The following LRRIQ3 variants were observed in gnomAD, a reference collection of about 807,000 sequenced individuals.
LRRIQ3 encodes the protein leucine rich repeats and IQ motif containing 3.
Under a neutral mutation model 59.3 loss-of-function variants are expected in LRRIQ3, and 75 were observed. The ratio of observed to expected loss-of-function variants is 1.26; its 90% CI spans 1.05 to 1.53. The LOEUF is 1.53. Among genes scored for constraint, LRRIQ3 ranks in the 40% most tolerant of loss-of-function variants. The pLI, the probability that LRRIQ3 is intolerant of heterozygous loss-of-function variation, is 0.00. For missense variants in LRRIQ3, 831 were observed against 710.0 expected (o/e 1.17, Z -1.94); for synonymous variants, 250 against 231.3 (o/e 1.08, Z -0.73).
intron 4 of LRRIQ3, chr1:74,138,627 C>A (rs532052320): frequency 3.8e-6 from 1 of 264,806 alleles, no homozygotes; most frequent in Non-Finnish European, 5.9e-6. Context: ...AAGCAGCCAG[C>A]GAAGACTGTA....
intron 6 of LRRIQ3, among the ~76,000 whole-genome samples, chr1:74,056,069 C>T (rs781344936): frequency 4.6e-5 from 7 of 150,948 alleles, no homozygotes; most frequent in East Asian, 2.0e-4. Context: ...TGCTCCAAGT[C>T]GGGAGGTGGA....
intron 7 of LRRIQ3, among the ~76,000 whole-genome samples, chr1:74,030,474 G>A (rs572112013): frequency 1.3e-5 from 2 of 152,198 alleles, no homozygotes; most frequent in South Asian, 2.1e-4. Flanking sequence ...ACAACTATCT[G>A]ATCCTTGACA....
chr1:74,166,016 G>A (rs1648962560), intron 3 of LRRIQ3, among the ~76,000 whole-genome samples: 1 of 151,364 alleles, frequency 6.6e-6, no homozygotes, highest in East Asian at 1.9e-4. Context: ...ATTGATCTGT[G>A]GTTTTCCTTT....
At chr1:74,103,436 G>A (rs981081242) in intron 5 of LRRIQ3, among the ~76,000 whole-genome samples, 1 of 151,954 alleles carries the variant, frequency 6.6e-6, no homozygotes, top group Non-Finnish European at 1.5e-5. Flanking sequence ...TAGAGTAGAT[G>A]TAAGAATGTC....
At chr1:74,132,044 T>G (rs1336215879) in intron 4 of LRRIQ3, among the ~76,000 whole-genome samples, 2 of 152,118 alleles carry the variant, frequency 1.3e-5, no homozygotes, top group Admixed American at 1.3e-4. Flanking sequence ...GGATACAAAA[T>G]CAATGTGCAA....
chr1:74,146,936 C>T (rs180982765), intron 4 of LRRIQ3, among the ~76,000 whole-genome samples: 198 of 152,224 alleles, frequency 1.3e-3, no homozygotes, highest in African/African-American at 4.6e-3. Flanking sequence ...TATAAGAGTT[C>T]CCTATGATTG....
At chr1:74,144,956 ATATT>A (rs1376944012) in intron 4 of LRRIQ3, among the ~76,000 whole-genome samples, 1 of 152,084 alleles carries the variant, frequency 6.6e-6, no homozygotes, top group African/African-American at 2.4e-5. Flanking sequence ...TAAATTTAAA[ATATT>A]TTTACCTACA....
At chr1:74,030,130 C>A (rs1352762838) in intron 7 of LRRIQ3, among the ~76,000 whole-genome samples, 1 of 152,054 alleles carries the variant, frequency 6.6e-6, no homozygotes, top group Non-Finnish European at 1.5e-5. Flanking sequence ...AGGACACAAA[C>A]AAATGGTAGA....
At chr1:74,179,734 A>G (rs1425213551) in intron 3 of LRRIQ3, among the ~76,000 whole-genome samples, 3 of 152,010 alleles carry the variant, frequency 2.0e-5, no homozygotes, top group African/African-American at 7.2e-5. Flanking sequence ...AGGTGGCCTC[A>G]AAAATTGTTA....
chr1:74,056,246 C>A (rs139018458), intron 6 of LRRIQ3, among the ~76,000 whole-genome samples: 15 of 152,014 alleles, frequency 9.9e-5, no homozygotes, highest in Non-Finnish European at 1.6e-4. Flanking sequence ...CCATATATGA[C>A]AAAACCATAG....
At chr1:74,168,180 G>C (rs1040863768) in intron 3 of LRRIQ3, among the ~76,000 whole-genome samples, 2 of 151,990 alleles carry the variant, frequency 1.3e-5, no homozygotes, top group South Asian at 2.1e-4. Flanking sequence ...AGTTGATAGA[G>C]AGAAGTATTG....
chr1:74,092,495 C>T (rs1646405373), intron 5 of LRRIQ3, among the ~76,000 whole-genome samples: 1 of 151,842 alleles, frequency 6.6e-6, no homozygotes, highest in African/African-American at 2.4e-5. Context: ...GAGCTGGTGA[C>T]CCTTGTTATT....
chr1:74,063,121 AAACAAC>A (rs1012702321), intron 6 of LRRIQ3, among the ~76,000 whole-genome samples: 6 of 151,132 alleles, frequency 4.0e-5, no homozygotes, highest in African/African-American at 1.2e-4. Flanking sequence ...CCCCAAAACC[AAACAAC>A]AACAACAACA....
intron 1 of LRRIQ3, among the ~76,000 whole-genome samples, chr1:74,187,104 T>C (rs540964821): frequency 6.6e-6 from 1 of 152,086 alleles, no homozygotes; most frequent in African/African-American, 2.4e-5. Context: ...ATAACCACTA[T>C]GGAAAACAGT....
At chr1:74,163,806 C>T (rs1343354980) in intron 3 of LRRIQ3, among the ~76,000 whole-genome samples, 1 of 151,400 alleles carries the variant, frequency 6.6e-6, no homozygotes, top group Non-Finnish European at 1.5e-5. Context: ...TATGATTATT[C>T]CATGTTTAGT....
intron 3 of LRRIQ3, among the ~76,000 whole-genome samples, chr1:74,164,834 G>A (rs900455641): frequency 1.3e-4 from 19 of 151,462 alleles, no homozygotes; most frequent in African/African-American, 4.6e-4. Context: ...TTTGTATAAA[G>A]TATGAAACTT....
rs985373459 is a variant in LRRIQ3 at position 74,183,559 on chromosome 1, A to G, written c.126T>C (p.Ser42=). The G allele has an allele frequency of 6.2e-7, 1 of 1,612,308 alleles. No homozygotes were observed. Among genetic ancestry groups the G allele is most frequent in the Non-Finnish European group, 8.5e-7 (1 of 1,178,938 alleles). ...AGATGCAAGACTGCAAATTTTCCATAGACTTTAAATGAAGGCCATTGAACT... is the reference window on the plus strand; with the variant it reads ...AGATGCAAGACTGCAAATTTTCCATGGACTTTAAATGAAGGCCATTGAACT... ...FVKFNGLHLK[S]MENLQSCISL... is the part of the protein sequence containing the mutation. Residue 42 remains serine, a synonymous_variant, in exon 2 of 8, where the codon TCT becomes TCC. Coordinates refer to ENST00000354431, the MANE Select transcript of LRRIQ3 (RefSeq NM_001105659.2).
At chr1:74,047,288 T>C (rs1654233820) in intron 6 of LRRIQ3, among the ~76,000 whole-genome samples, 2 of 152,162 alleles carry the variant, frequency 1.3e-5, no homozygotes, top group Non-Finnish European at 2.9e-5. Flanking sequence ...TCATATTCTT[T>C]GTGGGGACAT....
Position 74,090,176 on chromosome 1 carries a change from C to T in LRRIQ3, c.868-15386G>A, listed in dbSNP as rs186953902. 2.0e-5 allele frequency among the ~76,000 whole-genome samples: 3 copies of T among 152,010 alleles called. No individual in the cohort carries two copies. The East Asian group carries it at 5.8e-4, about 29-fold the overall frequency. ...CATTAATTACTAGCTATAACACTTC[C>T]AGAACTTTCATTTAAACTTGGTAAT... On this transcript the variant is annotated intron_variant, in intron 5 of 7. Transcript: ENST00000354431.
Sources: gnomAD v4.1 joint callset for allele counts (sites outside exome capture counted in the v4.1 genomes callset) on GRCh38, gnomAD v4.1.1 for gene constraint, MANE v1.5 for transcripts, NCBI Gene and HGNC (gene_info 2026-07-23, HGNC 2026-07-21) for gene names.